Variants in OPCML observed in about 807,000 individuals in gnomAD.
OPCML encodes the protein opioid-binding protein/cell adhesion molecule.
OPCML carries 13 observed loss-of-function variants against 37.8 expected under a neutral mutation model. The ratio of observed to expected loss-of-function variants is 0.34; its 90% confidence interval spans 0.22 to 0.55. OPCML has a LOEUF of 0.55. Ranked by LOEUF, OPCML falls within the 20% of genes least tolerant of loss-of-function variation. The probability of loss-of-function intolerance (pLI) is 0.91; values close to 1 mark genes in which losing one functional copy is unlikely to be tolerated. For missense variants in OPCML, 341 were observed against 435.6 expected (o/e 0.78, Z 1.93); for synonymous variants, 176 against 168.8 (o/e 1.04, Z -0.33).
chr11:132,913,700 G>A (rs1944503940), intron 2 of OPCML, among the ~76,000 whole-genome samples: 1 of 152,140 alleles, frequency 6.6e-6, no homozygotes, highest in South Asian at 2.1e-4. Flanking sequence ...TTCTAGGGCA[G>A]CCCCCTTTCT....
At chr11:133,024,732 T>C in intron 1 of OPCML, 1 of 939,132 alleles carries the variant, frequency 1.1e-6, no homozygotes, top group Non-Finnish European at 1.3e-6. Flanking sequence ...TTGCCAGCCC[T>C]CGCGCTTTTG....
At chr11:133,027,302 A>G (rs369651302) in intron 1 of OPCML, among the ~76,000 whole-genome samples, 9 of 152,374 alleles carry the variant, frequency 5.9e-5, no homozygotes, top group African/African-American at 1.9e-4. Context: ...TTACTATGAA[A>G]TAATTTATGC....
chr11:132,443,352 G>A (rs1328780938), intron 4 of OPCML, among the ~76,000 whole-genome samples: 3 of 152,244 alleles, frequency 2.0e-5, no homozygotes, highest in African/African-American at 7.2e-5. Flanking sequence ...AAGGAAGCCA[G>A]TGGGAGTGGG....
intron 3 of OPCML, among the ~76,000 whole-genome samples, chr11:132,626,812 TTCTCTC>T (rs375135656): frequency 0.19 from 27,240 of 147,086 alleles, 2,541 homozygotes; most frequent in African/African-American, 0.22. Context: ...AAAGGGAAGT[TTCTCTC>T]TCTCTCTCTC....
chr11:133,186,822 G>T (rs1247873730), intron 1 of OPCML, among the ~76,000 whole-genome samples: 1 of 152,196 alleles, frequency 6.6e-6, no homozygotes, highest in Non-Finnish European at 1.5e-5. Context: ...GGTGCTCAGT[G>T]TGGGCAAAGT....
At chr11:133,274,738 C>T (rs745529887) in intron 1 of OPCML, among the ~76,000 whole-genome samples, 1 of 152,216 alleles carries the variant, frequency 6.6e-6, no homozygotes, top group Non-Finnish European at 1.5e-5. Context: ...GCCAGGCGGC[C>T]TCTATGTTAC....
intron 1 of OPCML, among the ~76,000 whole-genome samples, chr11:133,080,840 C>G (rs543112899): frequency 6.6e-6 from 1 of 152,176 alleles, no homozygotes; most frequent in South Asian, 2.1e-4. Flanking sequence ...GATTTACTCA[C>G]CTAGGCCTTC....
At position 132,657,479 on chromosome 11, in the gene OPCML, T is replaced by C. The variant is rs1207315664; in HGVS notation, c.147-160A>G. 7.4e-6 allele frequency: 7 copies of C among 941,632 alleles called. No individual in the cohort carries two copies. In the Admixed American group the frequency reaches 4.3e-4, roughly 58 times the overall value. 58.3% of individuals were successfully genotyped at this position (941,632 alleles called of 1,614,324 possible). On this transcript the variant is annotated intron_variant, in intron 2 of 7. Transcript: ENST00000524381. ...AATTATTGATGAAACTTCCTAAATA[T>C]AAACTAAGAGTGACCAGAATCATCT... is the stretch of plus-strand genomic sequence containing the variant.
intron 2 of OPCML, among the ~76,000 whole-genome samples, chr11:132,937,862 AG>A (rs1389208496): frequency 1.3e-5 from 2 of 151,882 alleles, no homozygotes; most frequent in Admixed American, 6.6e-5. Context: ...GCTTCTAAAA[AG>A]CACTAGTACT....
At position 132,453,605 on chromosome 11, in the gene OPCML, C is replaced by G. The variant is rs556230866; in HGVS notation, c.506-16246G>C. Among the ~76,000 whole-genome samples, 187 of 152,290 alleles carry G rather than the reference C, an allele frequency of 1.2e-3. 4 individuals carry two copies. Among genetic ancestry groups the G allele is most frequent in the Non-Finnish European group, 2.2e-3 (148 of 68,034 alleles). ...TGAGGGTAAGACTGATTACTCATAA[C>G]TAAATATAAGCTTAGCAAGAAATAA... On this transcript the variant is annotated intron_variant, in intron 4 of 7. Transcript: ENST00000524381.
chr11:133,287,389 G>A (rs1293189895), intron 1 of OPCML, among the ~76,000 whole-genome samples: 7 of 148,722 alleles, frequency 4.7e-5, no homozygotes, highest in African/African-American at 1.7e-4. Context: ...TGGGATTATA[G>A]CCATGAGCCG....
intron 1 of OPCML, among the ~76,000 whole-genome samples, chr11:133,324,138 T>C (rs1472188367): frequency 6.6e-6 from 1 of 152,184 alleles, no homozygotes; most frequent in East Asian, 1.9e-4. Flanking sequence ...ATCACACTGA[T>C]TTCATATTTT....
chr11:132,521,844 A>G (rs2096294684), intron 4 of OPCML, among the ~76,000 whole-genome samples: 1 of 152,220 alleles, frequency 6.6e-6, no homozygotes, highest in Non-Finnish European at 1.5e-5. Flanking sequence ...GGATTTCACT[A>G]GTTTTTGCAT....
At chr11:132,902,516 G>T (rs1046961945) in intron 2 of OPCML, among the ~76,000 whole-genome samples, 6 of 152,116 alleles carry the variant, frequency 3.9e-5, no homozygotes, top group Non-Finnish European at 7.3e-5. Context: ...CTATGCTGAC[G>T]ATCTCATCAG....
Position 132,839,042 on chromosome 11 carries a change from G to A in OPCML, c.146+103884C>T, listed in dbSNP as rs73585666. 2.0e-3 allele frequency among the ~76,000 whole-genome samples: 312 copies of A among 152,274 alleles called. 1 individual carries two copies. The highest frequency in any genetic ancestry group is 7.0e-3 in the African/African-American group (289 of 41,556). On this transcript the variant is annotated intron_variant, in intron 2 of 7. Transcript: ENST00000524381. ...TCCCGTGAACAGGAAAACTGGCCTC[G>A]GGAGGAAACAAGGGGCATGAGCTGT...
intron 1 of OPCML, among the ~76,000 whole-genome samples, chr11:132,999,605 T>C (rs759488781): frequency 1.3e-5 from 2 of 151,818 alleles, no homozygotes; most frequent in Non-Finnish European, 2.9e-5. Context: ...ACAAAAGCTT[T>C]TTAACATTTA....
intron 3 of OPCML, among the ~76,000 whole-genome samples, chr11:132,621,877 T>C (rs181694451): frequency 4.8e-4 from 73 of 152,322 alleles, no homozygotes; most frequent in Middle Eastern, 3.4e-3. Flanking sequence ...CTTTTGGATG[T>C]GTCCACTAAA....
At chr11:133,520,236 T>G (rs1333877789) in intron 1 of OPCML, among the ~76,000 whole-genome samples, 4 of 152,036 alleles carry the variant, frequency 2.6e-5, no homozygotes, top group Non-Finnish European at 4.4e-5. Flanking sequence ...CCAAGTGCAG[T>G]GTGCGTGGGA....
intron 2 of OPCML, among the ~76,000 whole-genome samples, chr11:132,935,563 T>A (rs1231654614): frequency 6.6e-6 from 1 of 152,188 alleles, no homozygotes; most frequent in African/African-American, 2.4e-5. Context: ...AAAACCAATT[T>A]CTAAAAATTG....
Sources: allele counts gnomAD v4.1 joint callset (sites outside exome capture counted in the v4.1 genomes callset), GRCh38; gene constraint gnomAD v4.1.1; transcripts MANE v1.5; gene names NCBI Gene and HGNC (gene_info 2026-07-23, HGNC 2026-07-21).